Variants in KIF5C observed in about 807,000 individuals in gnomAD.
KIF5C encodes the protein kinesin heavy chain isoform 5C.
Under a neutral mutation model 125.2 loss-of-function variants are expected in KIF5C, and 18 were observed. That is an observed-to-expected ratio of 0.14 (90% CI 0.10 to 0.21). KIF5C has a LOEUF of 0.21. Ranked by LOEUF, KIF5C falls within the 10% of genes least tolerant of loss-of-function variation. The probability of loss-of-function intolerance (pLI) is 1.00; values close to 1 mark genes in which losing one functional copy is unlikely to be tolerated. For missense variants in KIF5C, 780 were observed against 1,183.8 expected (o/e 0.66, Z 5.01); for synonymous variants, 405 against 434.0 (o/e 0.93, Z 0.83).
At chr2:149,011,449 G>C in intron 24 of KIF5C, 121 bp from the exon 25 acceptor site, 1 of 1,376,602 alleles carries the variant, frequency 7.3e-7, no homozygotes, top group Non-Finnish European at 9.7e-7. Context: ...TGGTTGATAA[G>C]AATTGTACTG....
chr2:148,880,554 G>A (rs1037458328), intron 1 of KIF5C, among the ~76,000 whole-genome samples: 1 of 152,138 alleles, frequency 6.6e-6, no homozygotes, highest in Non-Finnish European at 1.5e-5. Context: ...GTAACCATAC[G>A]GTTAACTCTG....
At chr2:148,996,090 GGTTGTAATGAGCCGATATC>G (rs1227441841) in intron 17 of KIF5C, among the ~76,000 whole-genome samples, 1 of 152,146 alleles carries the variant, frequency 6.6e-6, no homozygotes, top group Non-Finnish European at 1.5e-5. Flanking sequence ...AGGAGGCGGA[GGTTGTAATGAGCCGATATC>G]GTGGCACTGC....
intron 4 of KIF5C, among the ~76,000 whole-genome samples, chr2:148,940,930 C>G (rs532658430): frequency 5.4e-4 from 82 of 152,260 alleles, no homozygotes; most frequent in Admixed American, 1.2e-3. Context: ...TTCCTTTTAT[C>G]TGGGATTCGG....
intron 11 of KIF5C, among the ~76,000 whole-genome samples, chr2:148,964,189 C>T (rs1441115288): frequency 6.6e-6 from 1 of 151,768 alleles, no homozygotes; most frequent in East Asian, 1.9e-4. Flanking sequence ...GCAGGAGAAT[C>T]GCTTGAACCC....
chr2:148,973,967 T>C (rs936688189), intron 12 of KIF5C, among the ~76,000 whole-genome samples: 2 of 152,148 alleles, frequency 1.3e-5, no homozygotes, highest in African/African-American at 4.8e-5. Context: ...GGATGAGAAA[T>C]CGATAGCAGT....
chr2:148,986,664 G>A (rs1681389547), intron 15 of KIF5C, among the ~76,000 whole-genome samples: 2 of 152,112 alleles, frequency 1.3e-5, no homozygotes, highest in Non-Finnish European at 2.9e-5. Context: ...CAGTGGTTTT[G>A]TATTTTTATT....
At chr2:148,973,971 T>C (rs966288732) in intron 12 of KIF5C, among the ~76,000 whole-genome samples, 1 of 152,208 alleles carries the variant, frequency 6.6e-6, no homozygotes, top group African/African-American at 2.4e-5. Context: ...GAGAAATCGA[T>C]AGCAGTGTGG....
chr2:148,953,402 T>A lies in KIF5C; in HGVS notation c.968+2940T>A, dbSNP rs540452043. ...CGTTCCTTTCCCTTTATCCCCAAGTTAGTTAATGGATTATTTAAGGATGCT... is the reference window on the plus strand; with the variant it reads ...CGTTCCTTTCCCTTTATCCCCAAGTAAGTTAATGGATTATTTAAGGATGCT... On this transcript the variant is annotated intron_variant, in intron 10 of 25. Transcript: ENST00000435030. Among the ~76,000 whole-genome samples the A allele has an allele frequency of 1.6e-4, 24 of 152,338 alleles. 1 individual carries two copies. In the South Asian group the frequency reaches 5.0e-3, roughly 32 times the overall value.
At chr2:148,919,199 C>G (rs966115738) in intron 1 of KIF5C, among the ~76,000 whole-genome samples, 4 of 152,150 alleles carry the variant, frequency 2.6e-5, no homozygotes, top group African/African-American at 9.7e-5. Flanking sequence ...TTACATGTAA[C>G]TCAAGAGTGT....
At chr2:148,989,095 C>T (rs1024224517) in intron 15 of KIF5C, among the ~76,000 whole-genome samples, 2 of 152,082 alleles carry the variant, frequency 1.3e-5, no homozygotes, top group African/African-American at 4.8e-5. Context: ...CCAGTGTGTG[C>T]TCTTTTATCC....
At chr2:149,016,798 C>T (rs1002192335) in intron 25 of KIF5C, among the ~76,000 whole-genome samples, 6 of 152,030 alleles carry the variant, frequency 3.9e-5, no homozygotes, top group Admixed American at 2.0e-4. Flanking sequence ...GTGTTTATGG[C>T]CACAGGTCTG....
intron 1 of KIF5C, among the ~76,000 whole-genome samples, chr2:148,887,533 G>C (rs1261628673): frequency 6.6e-6 from 1 of 152,164 alleles, no homozygotes; most frequent in Non-Finnish European, 1.5e-5. Flanking sequence ...CTTCGTATCA[G>C]TGCCCAAAGA....
intron 10 of KIF5C, among the ~76,000 whole-genome samples, chr2:148,954,685 TAATC>T (rs1682750624): frequency 6.6e-6 from 1 of 152,212 alleles, no homozygotes; most frequent in Admixed American, 6.5e-5. Context: ...GGGAAAGTAA[TAATC>T]TTTTTTCTTT....
At position 149,023,300 on chromosome 2, in the gene KIF5C, T is replaced by TA. The variant is rs1682590409; in HGVS notation, c.*231dup. ...AGGAGATGGTTGCAGAAGATCCACT[T>TA]ACTACTGAGAACCATTACCACCGAC... On this transcript the variant is annotated 3_prime_UTR_variant, in exon 26 of 26. Coordinates refer to ENST00000435030, the MANE Select transcript of KIF5C (RefSeq NM_004522.3). 1 of 152,302 alleles carries TA rather than the reference T, an allele frequency of 6.6e-6. No homozygotes were observed. The highest frequency in any genetic ancestry group is 1.5e-5 in the Non-Finnish European group (1 of 68,044). 9.4% of individuals were successfully genotyped at this position (152,302 alleles called of 1,614,324 possible). A position where few individuals can be genotyped will look rare whatever the true frequency, so the allele number is the denominator to read the frequency against.
intron 3 of KIF5C, among the ~76,000 whole-genome samples, chr2:148,931,066 C>T (rs568830657): frequency 4.6e-5 from 7 of 152,198 alleles, no homozygotes; most frequent in South Asian, 2.1e-4. Flanking sequence ...AAGAGAGATA[C>T]GGTGTCTAGT....
At chr2:149,014,355 C>T (rs1682299662) in intron 25 of KIF5C, among the ~76,000 whole-genome samples, 1 of 152,168 alleles carries the variant, frequency 6.6e-6, no homozygotes, top group Non-Finnish European at 1.5e-5. Flanking sequence ...CAAAGTGTTA[C>T]AAGTGGTTTT....
At chr2:148,921,854 ATTTG>A (rs1280670159) in intron 1 of KIF5C, among the ~76,000 whole-genome samples, 2 of 152,064 alleles carry the variant, frequency 1.3e-5, no homozygotes, top group African/African-American at 2.4e-5. Flanking sequence ...CTCAGTAAAT[ATTTG>A]TTTGAATGAA....
chr2:148,944,197 A>C (rs1682472999), intron 7 of KIF5C, among the ~76,000 whole-genome samples: 1 of 152,172 alleles, frequency 6.6e-6, no homozygotes, highest in Non-Finnish European at 1.5e-5. Flanking sequence ...TTGCCATCTT[A>C]ACCATTTTAA....
intron 19 of KIF5C, 43 bp from the exon 20 acceptor site, chr2:149,000,380 T>G (rs898667516): frequency 3.3e-6 from 5 of 1,538,402 alleles, no homozygotes; most frequent in Non-Finnish European, 4.4e-6. Context: ...ACTCAGAATT[T>G]CAGACTGATG....
Sources: allele counts gnomAD v4.1 joint callset (sites outside exome capture counted in the v4.1 genomes callset), GRCh38; gene constraint gnomAD v4.1.1; transcripts MANE v1.5; gene names NCBI Gene and HGNC (gene_info 2026-07-23, HGNC 2026-07-21).